The following CSMD1 variants were observed in gnomAD, a reference collection of about 807,000 sequenced individuals.
The protein encoded by CSMD1 is CUB and sushi domain-containing protein 1.
In CSMD1, 213 loss-of-function variants were observed where a neutral mutation model predicts 417.5. That is an observed-to-expected ratio of 0.51 (90% confidence interval 0.46 to 0.57). The LOEUF is 0.57. CSMD1 is among the 20% of genes least tolerant of loss of function. The pLI is 0.00. For missense variants in CSMD1, 6,923 were observed against 4,529.7 expected, an observed-to-expected ratio of 1.53 and a Z score of -15.17; for synonymous variants, 2,862 against 1,736.8, an observed-to-expected ratio of 1.65 and a Z score of -16.11.
At chr8:4,175,860 G>A (rs967523321) in intron 3 of CSMD1, among the ~76,000 whole-genome samples, 2 of 152,130 alleles carry the variant, frequency 1.3e-5, no homozygotes, top group African/African-American at 2.4e-5. Context: ...TAACCAAAAT[G>A]TTACCAAGCG....
intron 2 of CSMD1, among the ~76,000 whole-genome samples, chr8:4,471,304 T>C (rs991740806): frequency 2.0e-5 from 3 of 152,190 alleles, no homozygotes; most frequent in Admixed American, 1.3e-4. Context: ...AACAGGTTGG[T>C]AAAAAGCTGG....
At chr8:4,801,866 G>C (rs193033866) in intron 1 of CSMD1, among the ~76,000 whole-genome samples, 158 of 152,262 alleles carry the variant, frequency 1.0e-3, no homozygotes, top group African/African-American at 3.5e-3. Context: ...ACTGAGACTT[G>C]GCAAGCCCAA....
At chr8:4,179,591 A>G in intron 3 of CSMD1, among the ~76,000 whole-genome samples, 1 of 151,546 alleles carries the variant, frequency 6.6e-6, no homozygotes, top group African/African-American at 2.4e-5. Flanking sequence ...ATCTAATTAA[A>G]CTATAGAGCT....
intron 17 of CSMD1, among the ~76,000 whole-genome samples, chr8:3,391,130 C>A (rs1979830): frequency 6.6e-6 from 1 of 151,982 alleles, no homozygotes; most frequent in African/African-American, 2.4e-5. Context: ...CCCGACCACT[C>A]TCCTTTCCTT....
At chr8:4,681,608 A>G (rs1469230465) in intron 1 of CSMD1, among the ~76,000 whole-genome samples, 1 of 152,126 alleles carries the variant, frequency 6.6e-6, no homozygotes, top group Non-Finnish European at 1.5e-5. Flanking sequence ...AGCCTGGTAA[A>G]TATTACTCTG....
At chr8:3,399,594 C>A in intron 15 of CSMD1, 65 bp from the exon 16 acceptor site, 1 of 1,249,790 alleles carries the variant, frequency 8.0e-7, no homozygotes, top group East Asian at 2.6e-5. Flanking sequence ...TAACAATACC[C>A]GGATAAAAGC....
intron 3 of CSMD1, among the ~76,000 whole-genome samples, chr8:4,249,626 A>T (rs1802930141): frequency 6.6e-6 from 1 of 152,126 alleles, no homozygotes; most frequent in Non-Finnish European, 1.5e-5. Flanking sequence ...TTCTCTGCTC[A>T]ACACAGTGTG....
intron 8 of CSMD1, among the ~76,000 whole-genome samples, chr8:3,597,158 A>T (rs1224357186): frequency 6.6e-6 from 1 of 152,176 alleles, no homozygotes; most frequent in Non-Finnish European, 1.5e-5. Flanking sequence ...ATCAGAGGGA[A>T]TCAATGCCCC....
intron 7 of CSMD1, among the ~76,000 whole-genome samples, chr8:3,662,714 T>C (rs1475668827): frequency 6.6e-6 from 1 of 152,076 alleles, no homozygotes; most frequent in Non-Finnish European, 1.5e-5. Context: ...CTGGAAGCCA[T>C]CATTCTCAGC....
intron 1 of CSMD1, among the ~76,000 whole-genome samples, chr8:4,669,276 G>C (rs115534342): frequency 6.6e-6 from 1 of 152,030 alleles, no homozygotes; most frequent in South Asian, 2.1e-4. Flanking sequence ...CTCTGTTATC[G>C]TTTATATTTA....
At chr8:4,966,548 G>C (rs1203833446) in intron 1 of CSMD1, among the ~76,000 whole-genome samples, 2 of 152,156 alleles carry the variant, frequency 1.3e-5, no homozygotes, top group Admixed American at 1.3e-4. Flanking sequence ...GTCCATCTGA[G>C]AGTGACTGAT....
chr8:4,986,146 C>T (rs1362249239), intron 1 of CSMD1, among the ~76,000 whole-genome samples: 2 of 152,148 alleles, frequency 1.3e-5, no homozygotes, highest in East Asian at 1.9e-4. Flanking sequence ...AAGGCCCATC[C>T]TTTGAGATAA....
chr8:3,632,223 A>G (rs111473549), intron 7 of CSMD1, among the ~76,000 whole-genome samples: 2,647 of 152,314 alleles, frequency 0.017, 43 homozygotes, highest in South Asian at 0.047. Context: ...AGAAAATGCA[A>G]TCATTTCTAG....
chr8:4,883,422 T>G (rs1163307485), intron 1 of CSMD1, among the ~76,000 whole-genome samples: 3 of 152,056 alleles, frequency 2.0e-5, no homozygotes, highest in South Asian at 2.1e-4. Context: ...TCATCACCAC[T>G]CTCTCATTTT....
intron 28 of CSMD1, 21 bp from the exon 29 acceptor site, chr8:3,219,463 T>C (rs548173802): frequency 7.1e-7 from 1 of 1,414,970 alleles, no homozygotes; most frequent in Admixed American, 3.0e-5. Context: ...GAATAGTAAT[T>C]ATGTCATACG....
At chr8:3,361,765 G>A (rs1301489955) in intron 20 of CSMD1, among the ~76,000 whole-genome samples, 1 of 151,272 alleles carries the variant, frequency 6.6e-6, no homozygotes, top group African/African-American at 2.4e-5. Flanking sequence ...ATGATCTTAT[G>A]GTTCTTTGCT....
chr8:3,148,184 T>C (rs1002455983), intron 40 of CSMD1, among the ~76,000 whole-genome samples: 43 of 152,188 alleles, frequency 2.8e-4, no homozygotes, highest in African/African-American at 9.2e-4. Context: ...GAAATCATAA[T>C]TACAAGATAA....
intron 5 of CSMD1, among the ~76,000 whole-genome samples, chr8:3,853,046 A>G (rs983226798): frequency 6.6e-6 from 1 of 152,082 alleles, no homozygotes; most frequent in Non-Finnish European, 1.5e-5. Flanking sequence ...TCCTCATGTC[A>G]TCAGTCGAGC....
chr8:4,255,430 T>G (rs1803386359), intron 3 of CSMD1, among the ~76,000 whole-genome samples: 1 of 152,238 alleles, frequency 6.6e-6, no homozygotes, highest in Non-Finnish European at 1.5e-5. Context: ...ATTGCTGTTT[T>G]CTCACTTACT....
Sources: gnomAD v4.1 joint callset for allele counts (sites outside exome capture counted in the v4.1 genomes callset) on GRCh38, gnomAD v4.1.1 for gene constraint, MANE v1.5 for transcripts, NCBI Gene and HGNC (gene_info 2026-07-23, HGNC 2026-07-21) for gene names.